RP1L1: variants seen among roughly 807,000 people sequenced by gnomAD.
The protein encoded by RP1L1 is RP1 like 1.
A neutral mutation model predicts 15.7 loss-of-function variants in RP1L1; 27 were observed. The observed-to-expected ratio is 1.72, with a 90% CI of 1.27 to 2.38. The LOEUF (loss-of-function observed/expected upper bound fraction) is 2.38, where lower values mean the gene tolerates loss of function less well. Ranked by LOEUF, RP1L1 falls within the 30% of genes most tolerant of loss-of-function variation. RP1L1 has a pLI of 0.00. For missense variants in RP1L1, 4,798 were observed against 3,075.9 expected (o/e 1.56, Z -13.24); for synonymous variants, 1,813 against 1,276.7 (o/e 1.42, Z -8.96).
In RP1L1 at chr8:10,612,423, C is replaced by A. The variant is rs1797880818; in HGVS notation, c.1675G>T (p.Ala559Ser). Residue 559 changes from alanine to serine, a missense_variant, in exon 4 of 4, where the codon GCA (alanine) becomes TCA (serine). By Grantham distance (99) the Ala-to-Ser change is moderately conservative. Coordinates refer to ENST00000382483, the MANE Select transcript of RP1L1 (RefSeq NM_178857.6). ...GGRPQGCPGKARAETSQQEAS... is the reference protein window; with the variant it reads ...GGRPQGCPGKSRAETSQQEAS... The stretch of plus-strand genomic sequence containing the variant: ...TCCTGCTGAGAGGTCTCGGCCCTTG[C>A]CTTGCCTGGACAGCCCTGGGGCCGC... 1 of 1,612,654 alleles carries A rather than the reference C, an allele frequency of 6.2e-7. No individual in the cohort carries two copies. Among genetic ancestry groups the A allele is most frequent in the Non-Finnish European group, 8.5e-7 (1 of 1,180,016 alleles).
intron 1 of RP1L1, among the ~76,000 whole-genome samples, chr8:10,634,148 G>C (rs974924210): frequency 6.6e-6 from 1 of 152,130 alleles, no homozygotes; most frequent in Non-Finnish European, 1.5e-5. Flanking sequence ...ACATGGTACA[G>C]TTATCAGGCC....
At chr8:10,640,482 G>A (rs1216306581) in intron 1 of RP1L1, among the ~76,000 whole-genome samples, 1 of 151,896 alleles carries the variant, frequency 6.6e-6, no homozygotes, top group African/African-American at 2.4e-5. Flanking sequence ...CAACACGGTG[G>A]TCTCTACTAA....
At chr8:10,654,669 A>G (rs1275630340) in intron 1 of RP1L1, among the ~76,000 whole-genome samples, 1 of 152,190 alleles carries the variant, frequency 6.6e-6, no homozygotes, top group Non-Finnish European at 1.5e-5. Flanking sequence ...ACGAGCAGAA[A>G]CCTGAAACTC....
chr8:10,648,629 C>A (rs1222438399), intron 1 of RP1L1, among the ~76,000 whole-genome samples: 1 of 152,202 alleles, frequency 6.6e-6, no homozygotes, highest in Admixed American at 6.5e-5. Flanking sequence ...TTCCCTGTCT[C>A]CTTCGAAGTC....
chr8:10,621,198 G>C (rs530279677), intron 2 of RP1L1: 1 of 153,538 alleles, frequency 6.5e-6, no homozygotes, highest in Non-Finnish European at 1.4e-5. Flanking sequence ...AGAAGACGAA[G>C]GGTCCAGTGA....
rs750117689 is a variant in RP1L1, at chr8:10,608,659, G to GT, written c.5438dup (p.Asn1813LysfsTer5). The GT allele has an allele frequency of 1.2e-6, 2 of 1,614,156 alleles. No individual in the cohort carries two copies. The highest frequency in any genetic ancestry group is 1.7e-6 in the Non-Finnish European group (2 of 1,180,034). On this transcript the variant is annotated frameshift_variant, in exon 4 of 4. Transcript: ENST00000382483. LOFTEE classifies it low-confidence loss of function (END_TRUNC). ...CTCCTGCCGCAGCTTCACCCTGCAA[G>GT]TTGTCCTCATGCCCAGAGCCTTGAC...
At chr8:10,645,719 C>T (rs1201829776) in intron 1 of RP1L1, among the ~76,000 whole-genome samples, 1 of 152,136 alleles carries the variant, frequency 6.6e-6, no homozygotes, top group Non-Finnish European at 1.5e-5. Flanking sequence ...TTCAGGTCCT[C>T]AACCAAGCAA....
At chr8:10,639,331 G>A (rs544013795) in intron 1 of RP1L1, among the ~76,000 whole-genome samples, 5 of 152,162 alleles carry the variant, frequency 3.3e-5, no homozygotes, top group East Asian at 3.9e-4. Flanking sequence ...TCTATCCTCC[G>A]TGTGTTAACC....
At chr8:10,630,553 T>A (rs1288947529) in intron 1 of RP1L1, among the ~76,000 whole-genome samples, 1 of 152,216 alleles carries the variant, frequency 6.6e-6, no homozygotes, top group African/African-American at 2.4e-5. Context: ...GGTTTCACTT[T>A]CACTTTCTGT....
intron 1 of RP1L1, among the ~76,000 whole-genome samples, chr8:10,650,043 G>C (rs1346931161): frequency 6.6e-6 from 1 of 152,246 alleles, no homozygotes; most frequent in Non-Finnish European, 1.5e-5. Flanking sequence ...TCCAACCCTG[G>C]CCAATGAGAG....
Position 10,608,851 on chromosome 8 carries a change from G to T in RP1L1, c.5247C>A (p.Ser1749Arg), listed in dbSNP as rs778715898. The change falls in exon 4 of 4, where the codon AGC (serine) becomes AGA (arginine). Residue 1749 changes from serine (S) to arginine (R), a missense_variant. Transcript: ENST00000382483. ...GVDEGEDGEG[S>R]QRLNRDKDPK... The stretch of plus-strand genomic sequence containing the variant: ...GATCTTTGTCTCTGTTGAGTCTCTG[G>T]CTCCCCTCGCCATCCTCACCCTCGT... 4 of 1,613,906 alleles carry T rather than the reference G, an allele frequency of 2.5e-6. No individual in the cohort carries two copies. The highest frequency in any genetic ancestry group is 3.4e-6 in the Non-Finnish European group (4 of 1,180,028).
chr8:10,612,164 G>C lies in RP1L1; in HGVS notation c.1934C>G (p.Ala645Gly). The C allele has an allele frequency of 6.2e-7, 1 of 1,613,450 alleles. No individual in the cohort carries two copies. The highest frequency in any genetic ancestry group is 8.5e-7 in the Non-Finnish European group (1 of 1,180,020). Residue 645 changes from alanine to glycine, a missense_variant, in exon 4 of 4, where the codon GCC becomes GGC. By Grantham distance (60) the Ala-to-Gly change is moderately conservative (BLOSUM62 0). Coordinates refer to ENST00000382483, the MANE Select transcript of RP1L1 (RefSeq NM_178857.6). Reference protein sequence around the residue: ...QQGQRRHRSRASAMSSPSSPG... With the variant: ...QQGQRRHRSRGSAMSSPSSPG... ...GCTGCTGGGTGAGGACATTGCACTG[G>C]CCCGGCTTCTGTGCCTTCTCTGCCC... is the stretch of plus-strand genomic sequence containing the variant.
chr8:10,614,677 A>G (rs1166800580), intron 3 of RP1L1, among the ~76,000 whole-genome samples: 1 of 150,804 alleles, frequency 6.6e-6, no homozygotes, highest in Non-Finnish European at 1.5e-5. Context: ...AAAAAAAAAA[A>G]AAGAAAAGAA....
At chr8:10,630,194 G>C (rs958216944) in intron 1 of RP1L1, among the ~76,000 whole-genome samples, 22 of 152,214 alleles carry the variant, frequency 1.4e-4, no homozygotes, top group South Asian at 1.0e-3. Flanking sequence ...TGCAGTGGAG[G>C]GGGGAGCAGA....
intron 3 of RP1L1, among the ~76,000 whole-genome samples, chr8:10,614,952 A>G (rs1231420887): frequency 6.6e-6 from 1 of 151,728 alleles, no homozygotes; most frequent in Non-Finnish European, 1.5e-5. Flanking sequence ...AACAAATTCC[A>G]TCTCCTGAGC....
chr8:10,637,928 G>A (rs1157496893), intron 1 of RP1L1, among the ~76,000 whole-genome samples: 1 of 152,220 alleles, frequency 6.6e-6, no homozygotes, highest in South Asian at 2.1e-4. Flanking sequence ...GCTAGTTCTT[G>A]GGACAGCCCC....
At chr8:10,648,831 G>A (rs959858399) in intron 1 of RP1L1, among the ~76,000 whole-genome samples, 2 of 152,214 alleles carry the variant, frequency 1.3e-5, no homozygotes, top group Admixed American at 6.5e-5. Context: ...AATGTTCCCC[G>A]TTCCCAGCAT....
At chr8:10,653,501 C>T (rs1439194106) in intron 1 of RP1L1, among the ~76,000 whole-genome samples, 1 of 149,918 alleles carries the variant, frequency 6.7e-6, no homozygotes, top group East Asian at 1.9e-4. Context: ...CACGTGCACT[C>T]GTAAACTAAC....
At position 10,610,726 on chromosome 8, in the gene RP1L1, A is replaced by G; in HGVS notation, c.3372T>C (p.Ser1124=). The G allele has an allele frequency of 6.2e-7, 1 of 1,613,512 alleles. No homozygotes were observed. Among genetic ancestry groups the G allele is most frequent in the South Asian group, 1.1e-5 (1 of 91,074 alleles). ...CAAGGTCTTCCTCAAATAACTGCAGACTGGCCAGACAAGTAATGAGGGCCC... is the reference window on the plus strand; with the variant it reads ...CAAGGTCTTCCTCAAATAACTGCAGGCTGGCCAGACAAGTAATGAGGGCCC... ...SAGALITCLA[S]LQLFEEDLGS... is the part of the protein sequence containing the mutation. Residue 1124 remains serine (S), a synonymous_variant, in exon 4 of 4, where the codon AGT becomes AGC. Coordinates refer to ENST00000382483, the MANE Select transcript of RP1L1 (RefSeq NM_178857.6).
Sources: allele counts gnomAD v4.1 joint callset (sites outside exome capture counted in the v4.1 genomes callset), GRCh38; gene constraint gnomAD v4.1.1; transcripts MANE v1.5; gene names NCBI Gene and HGNC (gene_info 2026-07-23, HGNC 2026-07-21).